Variants in SRPK2 observed in about 807,000 individuals in gnomAD.
SRPK2 encodes the protein SFRS protein kinase 2.
SRPK2 carries 21 observed loss-of-function variants against 90.8 expected under a neutral mutation model. The ratio of observed to expected loss-of-function variants is 0.23; its 90% CI spans 0.16 to 0.33. The LOEUF (loss-of-function observed/expected upper bound fraction) is 0.33. SRPK2 is among the 10% of genes least tolerant of loss of function. The probability of loss-of-function intolerance (pLI) is 1.00; values close to 1 mark genes in which losing one functional copy is unlikely to be tolerated. For synonymous variants in SRPK2, 288 were observed against 311.1 expected (o/e 0.93, Z 0.78); for missense variants, 620 against 869.0 (o/e 0.71, Z 3.60).
At chr7:105,174,255 A>T (rs1791545779) in intron 3 of SRPK2, among the ~76,000 whole-genome samples, 1 of 152,116 alleles carries the variant, frequency 6.6e-6, no homozygotes. Flanking sequence ...CAAAGAAGAA[A>T]ATTTTAAAAC....
intron 9 of SRPK2, 78 bp downstream of exon 9, chr7:105,145,205 T>G (rs2129577278): frequency 8.3e-7 from 1 of 1,203,826 alleles, no homozygotes; most frequent in South Asian, 2.0e-5. Context: ...TACACAACTT[T>G]TTTATAATTT....
intron 2 of SRPK2, among the ~76,000 whole-genome samples, chr7:105,370,504 T>C (rs1280486893): frequency 6.6e-6 from 1 of 152,218 alleles, no homozygotes; most frequent in East Asian, 1.9e-4. Context: ...TAAGACTGAT[T>C]TGAAAATTAT....
intron 2 of SRPK2, among the ~76,000 whole-genome samples, chr7:105,355,304 T>C (rs899301441): frequency 6.6e-6 from 1 of 151,730 alleles, no homozygotes; most frequent in African/African-American, 2.4e-5. Context: ...AAGACTAGCC[T>C]GCGCAACACG....
chr7:105,136,318 C>T (rs1457677053), intron 11 of SRPK2, among the ~76,000 whole-genome samples: 1 of 152,198 alleles, frequency 6.6e-6, no homozygotes, highest in African/African-American at 2.4e-5. Context: ...CAGACTGCTA[C>T]ATTCCCAAGA....
chr7:105,116,147 G>A (rs1303877819), downstream of SRPK2, among the ~76,000 whole-genome samples: 1 of 152,172 alleles, frequency 6.6e-6, no homozygotes, highest in Admixed American at 6.5e-5. Flanking sequence ...AACCATGGAT[G>A]AAAAGGGATC....
chr7:105,340,189 A>G (rs1815584229), intron 2 of SRPK2, among the ~76,000 whole-genome samples: 1 of 152,150 alleles, frequency 6.6e-6, no homozygotes, highest in Non-Finnish European at 1.5e-5. Flanking sequence ...CTAACCTTTA[A>G]GATGTATCTG....
chr7:105,339,535 G>A (rs1010110259), intron 2 of SRPK2, among the ~76,000 whole-genome samples: 7 of 152,332 alleles, frequency 4.6e-5, no homozygotes, highest in African/African-American at 1.7e-4. Flanking sequence ...TTCAGAGGAA[G>A]GAACAGCAGT....
At chr7:105,349,152 G>A in intron 2 of SRPK2, among the ~76,000 whole-genome samples, 1 of 92,780 alleles carries the variant, frequency 1.1e-5, no homozygotes. Flanking sequence ...TAGAAAGAGA[G>A]AAAGAAAGAG....
At chr7:105,227,414 C>A (rs1049094974) in intron 2 of SRPK2, among the ~76,000 whole-genome samples, 3 of 152,084 alleles carry the variant, frequency 2.0e-5, no homozygotes, top group Non-Finnish European at 4.4e-5. Flanking sequence ...TTTAAAAAAG[C>A]AAAGGATCTG....
chr7:105,265,640 A>G (rs557221075), intron 2 of SRPK2, among the ~76,000 whole-genome samples: 18 of 152,164 alleles, frequency 1.2e-4, no homozygotes, highest in African/African-American at 4.3e-4. Flanking sequence ...TTAATCAGAT[A>G]TTCACATTTA....
At chr7:105,386,280 C>T (rs1821586142) in intron 2 of SRPK2, among the ~76,000 whole-genome samples, 2 of 148,726 alleles carry the variant, frequency 1.3e-5, no homozygotes, top group African/African-American at 2.5e-5. Flanking sequence ...CGCCACTGCC[C>T]TCCAGCCTGG....
At chr7:105,376,422 TGC>T (rs1820307279) in intron 2 of SRPK2, among the ~76,000 whole-genome samples, 1 of 152,076 alleles carries the variant, frequency 6.6e-6, no homozygotes, top group Admixed American at 6.6e-5. Context: ...TGAAAACCTG[TGC>T]TATAATCCCA....
chr7:105,324,010 T>TGTGTGTGTGTGTGTGG (rs950960322), intron 2 of SRPK2, among the ~76,000 whole-genome samples: 4 of 148,860 alleles, frequency 2.7e-5, no homozygotes, highest in African/African-American at 7.6e-5. Context: ...TGTGTGTGTG[T>TGTGTGTGTGTGTGTGG]GTGTGTGGTG....
chr7:105,358,035 C>G (rs921892236), intron 2 of SRPK2, among the ~76,000 whole-genome samples: 1 of 151,652 alleles, frequency 6.6e-6, no homozygotes, highest in Non-Finnish European at 1.5e-5. Flanking sequence ...ACCATCCTGA[C>G]CAACATGGTA....
chr7:105,378,559 T>C (rs549491643), intron 2 of SRPK2, among the ~76,000 whole-genome samples: 1 of 151,800 alleles, frequency 6.6e-6, no homozygotes, highest in African/African-American at 2.4e-5. Context: ...AGTCAAGAGA[T>C]CAAGACCATC....
chr7:105,150,553 G>A (rs1239444022), intron 7 of SRPK2, among the ~76,000 whole-genome samples: 1 of 152,140 alleles, frequency 6.6e-6, no homozygotes, highest in Admixed American at 6.5e-5. Flanking sequence ...AATGTCAAAG[G>A]ACCAATAGTA....
chr7:105,211,171 C>T (rs1796807354), intron 2 of SRPK2, among the ~76,000 whole-genome samples: 1 of 152,076 alleles, frequency 6.6e-6, no homozygotes, highest in East Asian at 1.9e-4. Flanking sequence ...AAAGTGAATA[C>T]ACTGCCAAGT....
At chr7:105,186,658 T>C (rs1432273623) in intron 3 of SRPK2, among the ~76,000 whole-genome samples, 1 of 152,216 alleles carries the variant, frequency 6.6e-6, no homozygotes, top group Non-Finnish European at 1.5e-5. Context: ...TGTTCTACTA[T>C]CAAGAAATGG....
intron 2 of SRPK2, among the ~76,000 whole-genome samples, chr7:105,249,696 G>A (rs1221529354): frequency 6.6e-6 from 1 of 152,082 alleles, no homozygotes; most frequent in Non-Finnish European, 1.5e-5. Context: ...TTCTTTTCTT[G>A]CTATCATGCT....
Sources: allele counts gnomAD v4.1 joint callset (sites outside exome capture counted in the v4.1 genomes callset), GRCh38; gene constraint gnomAD v4.1.1; transcripts MANE v1.5; gene names NCBI Gene and HGNC (gene_info 2026-07-23, HGNC 2026-07-21).